Variants in GPHN observed in about 807,000 individuals in gnomAD.
GPHN encodes the protein gephyrin.
In GPHN, 17 loss-of-function variants were observed where a neutral mutation model predicts 95.5. The ratio of observed to expected loss-of-function variants is 0.18; its 90% CI spans 0.12 to 0.27. GPHN has a LOEUF of 0.27. GPHN is among the 10% of genes least tolerant of loss of function. The pLI is 1.00. For missense variants in GPHN, 660 were observed against 978.1 expected, an observed-to-expected ratio of 0.67 and a Z score of 4.34; for synonymous variants, 320 against 322.5, an observed-to-expected ratio of 0.99 and a Z score of 0.08.
intron 1 of GPHN, among the ~76,000 whole-genome samples, chr14:66,605,500 TTTGATAAGTG>T (rs2062478330): frequency 6.6e-6 from 1 of 152,102 alleles, no homozygotes; most frequent in African/African-American, 2.4e-5. Context: ...AATGTCTTCT[TTTGATAAGTG>T]TCTATATCCT....
the GPHN span, chr14:67,663,226 A>G: frequency 7.3e-7 from 1 of 1,374,038 alleles, no homozygotes. Context: ...CAGCTTCAAA[A>G]CAAACATCTA....
At chr14:67,564,709 CAG>C in the GPHN span, among the ~76,000 whole-genome samples, 1,452 of 143,906 alleles carry the variant, frequency 0.01, 29 homozygotes, top group African/African-American at 0.036. Context: ...TTTTTTGAGA[CAG>C]AGTCTTGCTC....
intron 11 of GPHN, among the ~76,000 whole-genome samples, chr14:67,067,981 A>G (rs1326286478): frequency 2.6e-5 from 4 of 152,260 alleles, no homozygotes; most frequent in South Asian, 2.1e-4. Context: ...ACCCATCCCA[A>G]TGAGATGAAC....
chr14:66,580,255 C>T (rs149129953), intron 1 of GPHN, among the ~76,000 whole-genome samples: 1,839 of 151,672 alleles, frequency 0.012, 23 homozygotes, highest in Non-Finnish European at 0.018. Context: ...GATGCCTACA[C>T]ATAAAAGAAG....
chr14:66,693,794 C>A (rs1414153980), intron 2 of GPHN, among the ~76,000 whole-genome samples: 1 of 152,138 alleles, frequency 6.6e-6, no homozygotes, highest in East Asian at 1.9e-4. Context: ...AAAAATTAAT[C>A]ATCATAATAA....
intron 1 of GPHN, among the ~76,000 whole-genome samples, chr14:66,605,406 A>G (rs1348271582): frequency 6.6e-6 from 1 of 151,734 alleles, no homozygotes; most frequent in Admixed American, 6.6e-5. Flanking sequence ...CTGGTGTAAG[A>G]TGGTATATTG....
chr14:67,290,464 G>A, the GPHN span, among the ~76,000 whole-genome samples: 1 of 152,054 alleles, frequency 6.6e-6, no homozygotes, highest in African/African-American at 2.4e-5. Context: ...GTGCAGTAGC[G>A]TGATCATGGC....
chr14:67,194,970 G>A, the GPHN span, among the ~76,000 whole-genome samples: 2 of 152,128 alleles, frequency 1.3e-5, no homozygotes, highest in East Asian at 3.9e-4. Flanking sequence ...GCCTCAAAGT[G>A]CTAAGATTAC....
intron 17 of GPHN, among the ~76,000 whole-genome samples, chr14:67,136,657 C>T (rs1429049009): frequency 6.6e-6 from 1 of 152,152 alleles, no homozygotes; most frequent in Non-Finnish European, 1.5e-5. Flanking sequence ...TTTTCAGGAT[C>T]ATCTAGGTAG....
At chr14:67,642,381 C>T in the GPHN span, 292 of 1,612,248 alleles carry the variant, frequency 1.8e-4, no homozygotes, top group African/African-American at 3.4e-3. Flanking sequence ...GGGAGCCAGG[C>T]GTGGTGAGGG....
At chr14:66,708,226 T>A (rs2069277378) in intron 2 of GPHN, among the ~76,000 whole-genome samples, 1 of 149,740 alleles carries the variant, frequency 6.7e-6, no homozygotes, top group Non-Finnish European at 1.5e-5. Flanking sequence ...AAAAAAAAAA[T>A]GGCGAGCTTA....
the GPHN span, among the ~76,000 whole-genome samples, chr14:67,219,665 T>C: frequency 6.6e-6 from 1 of 152,148 alleles, no homozygotes; most frequent in Non-Finnish European, 1.5e-5. Context: ...TTAGAAATGA[T>C]AAAAAATGAA....
At chr14:66,815,546 C>G (rs2060927789) in intron 3 of GPHN, among the ~76,000 whole-genome samples, 1 of 152,134 alleles carries the variant, frequency 6.6e-6, no homozygotes, top group African/African-American at 2.4e-5. Flanking sequence ...TCCAGAATTT[C>G]ATATCCATCC....
At chr14:66,800,403 T>G (rs1195554833) in intron 3 of GPHN, among the ~76,000 whole-genome samples, 2 of 152,126 alleles carry the variant, frequency 1.3e-5, no homozygotes, top group Non-Finnish European at 2.9e-5. Context: ...ATCCCTCAGC[T>G]TTTGTTGGGA....
chr14:66,995,068 T>G (rs1416380831), intron 9 of GPHN, among the ~76,000 whole-genome samples: 1 of 152,162 alleles, frequency 6.6e-6, no homozygotes, highest in Non-Finnish European at 1.5e-5. Flanking sequence ...CTCCAGTACC[T>G]TCATTTCCCC....
chr14:66,589,266 C>T (rs539114765), intron 1 of GPHN, among the ~76,000 whole-genome samples: 16 of 152,236 alleles, frequency 1.1e-4, no homozygotes, highest in African/African-American at 3.6e-4. Flanking sequence ...CCGGTACCAG[C>T]CACTGCAAAA....
chr14:67,436,910 A>G, the GPHN span, among the ~76,000 whole-genome samples: 1 of 152,134 alleles, frequency 6.6e-6, no homozygotes, highest in African/African-American at 2.4e-5. Flanking sequence ...TAAAAATATT[A>G]GCCAGGCTTG....
chr14:67,266,820 C>T, the GPHN span, among the ~76,000 whole-genome samples: 8 of 152,056 alleles, frequency 5.3e-5, no homozygotes, highest in Non-Finnish European at 1.5e-5. Context: ...AAAAAAACTT[C>T]GTTTCTTGGC....
the GPHN span, among the ~76,000 whole-genome samples, chr14:67,601,639 A>G: frequency 7.9e-3 from 1,202 of 152,298 alleles, 20 homozygotes; most frequent in African/African-American, 0.027. Context: ...ATGGTGGCAC[A>G]TGCCTGTAAT....
Sources: allele counts gnomAD v4.1 joint callset (sites outside exome capture counted in the v4.1 genomes callset), GRCh38; gene constraint gnomAD v4.1.1; transcripts MANE v1.5; gene names NCBI Gene and HGNC (gene_info 2026-07-23, HGNC 2026-07-21).